CLUH: variants seen among roughly 807,000 people sequenced by gnomAD.
CLUH encodes the protein CLUH binding protein of NUMT mRNA.
A neutral mutation model predicts 139.3 loss-of-function variants in CLUH; 77 were observed. The ratio of observed to expected loss-of-function variants is 0.55; its 90% CI spans 0.46 to 0.67. CLUH has a LOEUF of 0.67. Among genes scored for constraint, CLUH ranks in the 30% least tolerant of loss-of-function variants. The pLI is 0.00. For missense variants in CLUH, 1,876 were observed against 1,875.8 expected (o/e 1.00, Z 0.00); for synonymous variants, 999 against 801.6 (o/e 1.25, Z -4.16).
intron 19 of CLUH, 43 bp downstream of exon 19, chr17:2,693,857 C>T (rs2069818474): frequency 1.3e-6 from 2 of 1,568,634 alleles, no homozygotes; most frequent in African/African-American, 1.4e-5. Flanking sequence ...TCCCCATCCC[C>T]CAACACGAGG....
chr17:2,695,676 T>C, intron 13 of CLUH, 150 bp from the exon 14 acceptor site: 2 of 1,091,420 alleles, frequency 1.8e-6, no homozygotes, highest in Admixed American at 2.9e-5. Flanking sequence ...GTGCCCAGCC[T>C]CTGGCAGGAG....
chr17:2,695,943 A>AT, intron 13 of CLUH: 1 of 594,534 alleles, frequency 1.7e-6, no homozygotes, highest in Non-Finnish European at 3.0e-6. Flanking sequence ...AGAAGACTGG[A>AT]TTACCAGCTG....
rs772226566 is a variant in CLUH, at chr17:2,694,999, C to A, written c.2710G>T (p.Val904Phe). ...PVAHLPADEL[V>F]SKKRNKRRKN... ...CTCCTCTTATTCCGCTTCTTGGAGA[C>A]CAGCTCGTCGGCGGGCAGGTGGGCC... is the stretch of plus-strand genomic sequence containing the variant. Residue 904 changes from valine (V) to phenylalanine (F), a missense_variant, in exon 16 of 26, where the codon GTC becomes TTC. Val to Phe is a conservative substitution (Grantham distance 50). Coordinates refer to ENST00000651024, the MANE Select transcript of CLUH (RefSeq NM_001366661.1). The A allele has an allele frequency of 1.2e-6, 2 of 1,613,684 alleles. No individual in the cohort carries two copies. Among genetic ancestry groups the A allele is most frequent in the South Asian group, 2.2e-5 (2 of 91,044 alleles).
intron 1 of CLUH, among the ~76,000 whole-genome samples, chr17:2,709,398 C>T (rs1470350225): frequency 6.6e-6 from 1 of 152,172 alleles, no homozygotes; most frequent in Non-Finnish European, 1.5e-5. Context: ...AGGCCAGAGG[C>T]AGGCGTTCAG....
chr17:2,700,269 C>T (rs1388850848), intron 9 of CLUH, 113 bp downstream of exon 9: 1 of 973,102 alleles, frequency 1.0e-6, no homozygotes, highest in Non-Finnish European at 1.5e-6. Flanking sequence ...TTCGGGGAAC[C>T]TGACAGGGTT....
Position 2,701,195 on chromosome 17 carries a change from G to A in CLUH, c.970C>T (p.Leu324Phe). 1 of 1,613,990 alleles carries A rather than the reference G, an allele frequency of 6.2e-7. No individual in the cohort carries two copies. Among genetic ancestry groups the A allele is most frequent in the East Asian group, 2.2e-5 (1 of 44,878 alleles). Residue 324 changes from leucine to phenylalanine, a missense_variant, in exon 7 of 26, where the codon CTC (leucine) becomes TTC (phenylalanine). Coordinates refer to ENST00000651024, the MANE Select transcript of CLUH (RefSeq NM_001366661.1). ...TTGAAGGTCGGGCTGATCTGGTTGA[G>A]CAGCTCCACTAGGGAATGGCTTAGG... ...RFLSHSLVEL[L>F]NQISPTFKKN...
chr17:2,701,936 G>C lies in CLUH; in HGVS notation c.597C>G (p.Val199=), dbSNP rs1567594038. The change falls in exon 4 of 26, where the codon GTC becomes GTG. Residue 199 remains valine (V), a synonymous_variant. Transcript: ENST00000651024. ...VDCNSLSFLS[V]FTDGDLGDSG... Reference sequence around the variant, plus strand: ...CACCTCCCAGGTCGCCGTCGGTGAAGACACTCAGGAAGGACAAGGAGTTGC... The same window carrying C: ...CACCTCCCAGGTCGCCGTCGGTGAACACACTCAGGAAGGACAAGGAGTTGC... The C allele has an allele frequency of 6.2e-7, 1 of 1,613,948 alleles. No homozygotes were observed. Among genetic ancestry groups the C allele is most frequent in the East Asian group, 2.2e-5 (1 of 44,880 alleles).
In CLUH at chr17:2,707,326, C is replaced by T. The variant is rs1214433461; in HGVS notation, c.101-2762G>A. The stretch of plus-strand genomic sequence containing the variant: ...CTTGCCCTAATGCAGCCAGTCGGCC[C>T]GGGGCTGGAGCTCCGGCTGGCTTCG... On this transcript the variant is annotated intron_variant, in intron 1 of 25. Transcript: ENST00000651024. The surrounding 1 kb of genome is among the most constrained non-coding windows in gnomAD (Gnocchi z 7.4). 6.1e-6 allele frequency: 6 copies of T among 985,258 alleles called. No homozygotes were observed. Among genetic ancestry groups the T allele is most frequent in the Admixed American group, 6.1e-5 (1 of 16,266 alleles). 61.0% of individuals were successfully genotyped at this position (985,258 alleles called of 1,614,324 possible).
chr17:2,700,928 C>T, intron 7 of CLUH, 103 bp from the exon 8 acceptor site: 1 of 1,446,026 alleles, frequency 6.9e-7, no homozygotes, highest in Non-Finnish European at 9.1e-7. Flanking sequence ...ATCTCCCACC[C>T]TGAGACACTG....
chr17:2,698,677 G>A (rs908487476), intron 9 of CLUH, 87 bp from the exon 10 acceptor site: 54 of 1,247,790 alleles, frequency 4.3e-5, no homozygotes, highest in Non-Finnish European at 5.8e-5. Flanking sequence ...CTAGACCGCG[G>A]AGGCAACCGG....
intron 9 of CLUH, among the ~76,000 whole-genome samples, chr17:2,699,873 G>A (rs1417782059): frequency 1.3e-5 from 2 of 152,084 alleles, no homozygotes; most frequent in Non-Finnish European, 1.5e-5. Context: ...CTTGTGATCC[G>A]CCCGCCTCGG....
In CLUH at chr17:2,698,635, G is replaced by C. The variant is rs1001026488; in HGVS notation, c.1267-45C>G. 8.7e-6 allele frequency: 13 copies of C among 1,490,988 alleles called. No homozygotes were observed. The Admixed American group carries it at 2.8e-4, about 32-fold the overall frequency. The allele number at this position is 1,490,988 out of a possible 1,614,324, so 92.4% of individuals were successfully genotyped here. A position where few individuals can be genotyped will look rare whatever the true frequency, so the allele number is the denominator to read the frequency against. ...GCAGGGTTAGAGGCCGCGCCCACAA[G>C]AGCCTGCATCCACCTGGCCAAGCGC... On this transcript the variant is annotated intron_variant, in intron 9 of 25. Coordinates refer to ENST00000651024, the MANE Select transcript of CLUH (RefSeq NM_001366661.1).
At chr17:2,694,675 C>T (rs2277663) in intron 16 of CLUH, 111 bp from the exon 17 acceptor site, 316,103 of 1,316,854 alleles carry the variant, frequency 0.24, 40,491 homozygotes, top group Middle Eastern at 0.28. Flanking sequence ...ACTGCCCCAC[C>T]CGGCCCCCGG....
intron 16 of CLUH, 35 bp downstream of exon 16, chr17:2,694,822 T>TACCCCCCC: frequency 3.8e-5 from 51 of 1,346,322 alleles, no homozygotes; most frequent in Non-Finnish European, 4.7e-5. Context: ...ATCTGCCCAA[T>TACCCCCCC]CCCACCCACC....
chr17:2,704,391 C>T lies in CLUH; in HGVS notation c.274G>A (p.Ala92Thr), dbSNP rs893485696. The T allele has an allele frequency of 6.2e-6, 10 of 1,611,554 alleles. No homozygotes were observed. Among genetic ancestry groups the T allele is most frequent in the East Asian group, 4.5e-5 (2 of 44,736 alleles). The part of the protein sequence containing the change: ...QDTGFSVKIL[A>T]PGIEPFSLQV... The stretch of plus-strand genomic sequence containing the variant: ...AGGGAGAAGGGCTCGATCCCAGGGG[C>T]GAGGATCTTCACAGAAAAGCCCGTG... Residue 92 changes from alanine (A) to threonine (T), a missense_variant, in exon 2 of 26, where the codon GCC (alanine) becomes ACC (threonine). This residue lies in a region of CLUH where 152 missense variants were observed against 136.7 expected (regional missense o/e 1.11). Coordinates refer to ENST00000651024, the MANE Select transcript of CLUH (RefSeq NM_001366661.1). The surrounding 1 kb of genome is among the most constrained non-coding windows in gnomAD (Gnocchi z 5.7).
rs199770675 is a variant in CLUH at position 2,695,406 on chromosome 17, T to A, written c.2512A>T (p.Ser838Cys). Residue 838 changes from serine to cysteine, a missense_variant, in exon 14 of 26, where the codon AGC becomes TGC. By Grantham distance (112) the Ser-to-Cys change is moderately radical (BLOSUM62 -1). Around this residue, in one of 3 missense-constraint regions of CLUH, gnomAD observed 1,454 missense variants for 1,384.4 expected, o/e 1.05. Transcript: ENST00000651024. ...TGGTCCAGCTGGTGGCGGGCCGGGC[T>A]CCGCAGCACCAGCTCCAGCACCTTG... ...LGKVLELVLR[S>C]PARHQLDHVF... The A allele has an allele frequency of 1.2e-6, 2 of 1,612,656 alleles. No individual in the cohort carries two copies. The highest frequency in any genetic ancestry group is 3.3e-5 in the Admixed American group (2 of 59,998).
In CLUH at chr17:2,697,886, C is replaced by G. The variant is rs1039371822; in HGVS notation, c.1961+10G>C. 2 of 1,469,622 alleles carry G rather than the reference C, an allele frequency of 1.4e-6. No individual in the cohort carries two copies. The highest frequency in any genetic ancestry group is 2.8e-5 in the African/African-American group (2 of 71,256). 91.0% of individuals were successfully genotyped at this position (1,469,622 alleles called of 1,614,324 possible). A position where few individuals can be genotyped will look rare whatever the true frequency, so the allele number is the denominator to read the frequency against. ...GGCCCCGGCCCTGGTCCGGCAGGGC[C>G]GCCCCTCACCTGTGCTCCACGAAGG... On this transcript the variant is annotated intron_variant, in intron 10 of 25. Coordinates refer to ENST00000651024, the MANE Select transcript of CLUH (RefSeq NM_001366661.1).
intron 1 of CLUH, among the ~76,000 whole-genome samples, chr17:2,709,565 C>G (rs1338027358): frequency 1.3e-5 from 2 of 152,144 alleles, no homozygotes; most frequent in Non-Finnish European, 2.9e-5. Context: ...CTCCCCTGGG[C>G]AGAAGGAACC....
chr17:2,694,773 G>T (rs2069864015), intron 16 of CLUH, 84 bp downstream of exon 16: 2 of 1,445,670 alleles, frequency 1.4e-6, no homozygotes, highest in East Asian at 5.0e-5. Flanking sequence ...TATGACCACA[G>T]GCCTTAGACG....
Sources: allele counts gnomAD v4.1 joint callset (sites outside exome capture counted in the v4.1 genomes callset), GRCh38; gene constraint gnomAD v4.1.1; regional missense constraint gnomAD v4.1.1; non-coding constraint Gnocchi (gnomAD v3.1); transcripts MANE v1.5; gene names NCBI Gene and HGNC (gene_info 2026-07-23, HGNC 2026-07-21).